MRLN: variants seen among roughly 807,000 people sequenced by gnomAD.
The protein encoded by MRLN is myoregulin.
rs113847793 is a variant in MRLN at position 59,751,458 on chromosome 10, T to C, written c.-125+1896A>G. On this transcript the variant is annotated intron_variant, in intron 1 of 2. Transcript: ENST00000414264. The stretch of plus-strand genomic sequence containing the variant: ...GGTGGTTCACTTGAGCCCAGGAGTT[T>C]GAGACCAGGCTGGGCAACATGGCAA... Among the ~76,000 whole-genome samples, 1,114 of 151,886 alleles carry C rather than the reference T, an allele frequency of 7.3e-3. 20 individuals are homozygous for C. Among genetic ancestry groups the C allele is most frequent in the African/African-American group, 0.026 (1,055 of 41,366 alleles).
At chr10:59,750,820 C>T (rs867945568) in intron 1 of MRLN, among the ~76,000 whole-genome samples, 22 of 152,232 alleles carry the variant, frequency 1.4e-4, no homozygotes, top group African/African-American at 4.8e-4. Flanking sequence ...CCAGCAGACA[C>T]TTGTCCTTTG....
Position 59,738,560 on chromosome 10 carries a change from T to C in MRLN, c.-122A>G, listed in dbSNP as rs1015363504. The stretch of plus-strand genomic sequence containing the variant: ...ACAGGTGGTCTCTTAGCAACCTTGA[T>C]TCCTGTGTCAAATCATAGCAAAAAG... On this transcript the variant is annotated splice_region_variant and 5_prime_UTR_variant, in exon 2 of 3. Coordinates refer to ENST00000414264, the MANE Select transcript of MRLN (RefSeq NM_001304731.2). 2.0e-5 allele frequency: 3 copies of C among 152,188 alleles called. No individual in the cohort carries two copies. Among genetic ancestry groups the C allele is most frequent in the Non-Finnish European group, 2.9e-5 (2 of 68,028 alleles). The allele number at this position is 152,188 out of a possible 1,614,324, so 9.4% of individuals were successfully genotyped here. A position where few individuals can be genotyped will look rare whatever the true frequency, so the allele number is the denominator to read the frequency against.
At position 59,743,717 on chromosome 10, in the gene MRLN, C is replaced by G. The variant is rs189119672; in HGVS notation, c.-124-5155G>C. Among the ~76,000 whole-genome samples the G allele has an allele frequency of 4.2e-3, 642 of 152,232 alleles. 7 individuals carry two copies. Among genetic ancestry groups the G allele is most frequent in the African/African-American group, 0.014 (585 of 41,548 alleles). On this transcript the variant is annotated intron_variant, in intron 1 of 2. Transcript: ENST00000414264. ...GCATGGTCTCCCTCTGATGCCCAGC[C>G]GAGGCTGGACTGTACTGCTGCCATC... is the stretch of plus-strand genomic sequence containing the variant.
chr10:59,745,158 A>G (rs1435572074), intron 1 of MRLN, among the ~76,000 whole-genome samples: 1 of 152,194 alleles, frequency 6.6e-6, no homozygotes, highest in Non-Finnish European at 1.5e-5. Context: ...GAATCATGGT[A>G]GTGTTTCTTC....
chr10:59,750,353 G>A (rs1259497402), intron 1 of MRLN, among the ~76,000 whole-genome samples: 2 of 152,156 alleles, frequency 1.3e-5, no homozygotes, highest in Non-Finnish European at 2.9e-5. Context: ...TTACAGGCAT[G>A]AGCCATCACG....
intron 1 of MRLN, among the ~76,000 whole-genome samples, chr10:59,748,946 T>A (rs1211393728): frequency 6.6e-6 from 1 of 152,224 alleles, no homozygotes; most frequent in East Asian, 1.9e-4. Context: ...ACAAGTGGAC[T>A]TCGACTGAAC....
At chr10:59,737,829 G>T (rs907956965) in intron 2 of MRLN, among the ~76,000 whole-genome samples, 1 of 152,090 alleles carries the variant, frequency 6.6e-6, no homozygotes, top group Non-Finnish European at 1.5e-5. Context: ...TTTACCAAAC[G>T]TCTGTTAGGC....
chr10:59,737,907 C>T (rs964225188), intron 2 of MRLN: 1 of 152,212 alleles, frequency 6.6e-6, no homozygotes, highest in South Asian at 2.1e-4. Flanking sequence ...GTTTTCAAAG[C>T]CTTACACCAA....
In MRLN at chr10:59,742,901, T is replaced by C. The variant is rs549909007; in HGVS notation, c.-124-4339A>G. 2.0e-5 allele frequency among the ~76,000 whole-genome samples: 3 copies of C among 152,128 alleles called. No individual in the cohort carries two copies. In the South Asian group the frequency reaches 6.2e-4, roughly 32 times the overall value. ...ATGCAACCACACCCAGGTAGTTTAT[T>C]TTTATTTTTGTAGAGACAGGGTCTC... On this transcript the variant is annotated intron_variant, in intron 1 of 2. Coordinates refer to ENST00000414264, the MANE Select transcript of MRLN (RefSeq NM_001304731.2).
At chr10:59,738,840 G>A (rs559691410) in intron 1 of MRLN, 5 of 152,260 alleles carry the variant, frequency 3.3e-5, no homozygotes, top group South Asian at 2.1e-4. Flanking sequence ...AGTAATTCCC[G>A]ACCGGGCACG....
At chr10:59,753,333 A>G (rs2070184943) in intron 1 of MRLN, 21 bp downstream of exon 1, 1 of 131,948 alleles carries the variant, frequency 7.6e-6, no homozygotes, top group African/African-American at 3.0e-5. Flanking sequence ...AAAACAAAAC[A>G]AACAAAAAAA....
intron 2 of MRLN, among the ~76,000 whole-genome samples, chr10:59,737,870 T>C (rs903300217): frequency 6.6e-6 from 1 of 152,150 alleles, no homozygotes; most frequent in Middle Eastern, 3.2e-3. Context: ...TAATCCCTTT[T>C]ACAGGGGATG....
intron 1 of MRLN, among the ~76,000 whole-genome samples, chr10:59,741,364 T>G (rs1840981849): frequency 6.6e-6 from 1 of 152,088 alleles, no homozygotes; most frequent in Admixed American, 6.6e-5. Flanking sequence ...TTATTTTAAT[T>G]TTTTATTTAC....
At chr10:59,746,912 G>A (rs1312871302) in intron 1 of MRLN, among the ~76,000 whole-genome samples, 1 of 152,164 alleles carries the variant, frequency 6.6e-6, no homozygotes, top group East Asian at 1.9e-4. Context: ...TGATTCTCCT[G>A]CCTCAGCCTC....
At chr10:59,741,362 ATTTT>A (rs1381923448) in intron 1 of MRLN, among the ~76,000 whole-genome samples, 3 of 151,684 alleles carry the variant, frequency 2.0e-5, no homozygotes, top group Non-Finnish European at 4.4e-5. Context: ...TTTTATTTTA[ATTTT>A]TTATTTACTT....
At chr10:59,749,141 TGTGGGGG>T (rs969764954) in intron 1 of MRLN, among the ~76,000 whole-genome samples, 2 of 152,220 alleles carry the variant, frequency 1.3e-5, no homozygotes, top group Non-Finnish European at 2.9e-5. Context: ...ATATCTGTCT[TGTGGGGG>T]GTTGAAAGGA....
chr10:59,744,463 C>G (rs905261764), intron 1 of MRLN, among the ~76,000 whole-genome samples: 1 of 151,162 alleles, frequency 6.6e-6, no homozygotes, highest in African/African-American at 2.4e-5. Flanking sequence ...CAGCCGCGCC[C>G]GGCCAGCCGC....
chr10:59,743,585 A>G lies in MRLN; in HGVS notation c.-124-5023T>C, dbSNP rs1841006802. 2.6e-5 allele frequency among the ~76,000 whole-genome samples: 4 copies of G among 152,130 alleles called. No individual in the cohort carries two copies. In the South Asian group the frequency reaches 8.3e-4, roughly 31 times the overall value. ...AATTTGTCTCATCACAAGTTTCCTA[A>G]CACACCCAGGTTTTACTGTGGATTA... On this transcript the variant is annotated intron_variant, in intron 1 of 2. Transcript: ENST00000414264.
chr10:59,746,773 GCTCA>G (rs1180218302), intron 1 of MRLN, among the ~76,000 whole-genome samples: 2 of 152,208 alleles, frequency 1.3e-5, no homozygotes, highest in Non-Finnish European at 2.9e-5. Flanking sequence ...ACAACTGTGA[GCTCA>G]CTATTTAACA....
Sources: gnomAD v4.1 joint callset for allele counts (sites outside exome capture counted in the v4.1 genomes callset) on GRCh38, gnomAD v4.1.1 for gene constraint, MANE v1.5 for transcripts, NCBI Gene and HGNC (gene_info 2026-07-23, HGNC 2026-07-21) for gene names.